The following TMEM232 variants were observed in gnomAD, a reference collection of about 807,000 sequenced individuals.
TMEM232 encodes transmembrane protein 232.
In TMEM232, 80 loss-of-function variants were observed where a neutral mutation model predicts 78.8. That is an observed-to-expected ratio of 1.01 (90% CI 0.85 to 1.22). TMEM232 has a LOEUF of 1.22. Ranked by LOEUF, TMEM232 falls within the 50% of genes most tolerant of loss-of-function variation. TMEM232 has a pLI of 0.00. For missense variants in TMEM232, 881 were observed against 742.2 expected (o/e 1.19, Z -2.17); for synonymous variants, 297 against 254.3 (o/e 1.17, Z -1.60).
rs573812047 is a variant in TMEM232 at position 110,718,380 on chromosome 5, T to C, written c.-13+8247A>G. 2.0e-5 allele frequency among the ~76,000 whole-genome samples: 3 copies of C among 152,264 alleles called. No homozygotes were observed. In the South Asian group the frequency reaches 6.2e-4, roughly 32 times the overall value. On this transcript the variant is annotated intron_variant, in intron 1 of 13. Transcript: ENST00000455884. ...AAAATATTAAATTGCAAAATTATATTGATGAGAAGCATTTCTGGATAGCTG... is the reference window on the plus strand; with the variant it reads ...AAAATATTAAATTGCAAAATTATATCGATGAGAAGCATTTCTGGATAGCTG...
intron 12 of TMEM232, among the ~76,000 whole-genome samples, chr5:110,426,781 G>A (rs533470394): frequency 6.6e-6 from 1 of 152,120 alleles, no homozygotes; most frequent in East Asian, 1.9e-4. Flanking sequence ...TGTAGAGGCT[G>A]ACAATTGGTT....
chr5:110,520,882 C>T (rs1290610052), intron 12 of TMEM232, among the ~76,000 whole-genome samples: 3 of 152,086 alleles, frequency 2.0e-5, no homozygotes, highest in East Asian at 1.9e-4. Context: ...CGCACCATTG[C>T]ACTACAGCCT....
intron 12 of TMEM232, among the ~76,000 whole-genome samples, chr5:110,490,370 C>T (rs1177492283): frequency 6.6e-6 from 1 of 151,878 alleles, no homozygotes; most frequent in Non-Finnish European, 1.5e-5. Context: ...GATTAAAGAC[C>T]AAAATGTATG....
At chr5:110,587,083 A>T (rs996018388) in intron 10 of TMEM232, among the ~76,000 whole-genome samples, 1 of 152,166 alleles carries the variant, frequency 6.6e-6, no homozygotes, top group Admixed American at 6.6e-5. Flanking sequence ...TTCAGTATCC[A>T]AAAAGTGACA....
intron 1 of TMEM232, among the ~76,000 whole-genome samples, chr5:110,686,742 G>C (rs1793464147): frequency 1.3e-5 from 2 of 152,000 alleles, no homozygotes; most frequent in African/African-American, 4.8e-5. Context: ...ATAAAAATAA[G>C]GGCTCAAACA....
intron 12 of TMEM232, among the ~76,000 whole-genome samples, chr5:110,484,091 T>C (rs73220763): frequency 0.03 from 4,608 of 152,180 alleles, 242 homozygotes; most frequent in African/African-American, 0.11. Context: ...TTCTCATACA[T>C]ATAAGTGGGA....
At chr5:110,505,616 C>T (rs1367296005) in intron 12 of TMEM232, among the ~76,000 whole-genome samples, 1 of 152,182 alleles carries the variant, frequency 6.6e-6, no homozygotes, top group Non-Finnish European at 1.5e-5. Context: ...AAGCAATTCT[C>T]ATGCCTCAGC....
At chr5:110,653,749 G>A (rs1004545983) in intron 2 of TMEM232, among the ~76,000 whole-genome samples, 2 of 152,108 alleles carry the variant, frequency 1.3e-5, no homozygotes, top group Admixed American at 1.3e-4. Context: ...ATAATTGGAC[G>A]GGAGGAATCT....
At chr5:110,530,055 T>C (rs1581099989) in intron 11 of TMEM232, among the ~76,000 whole-genome samples, 1 of 152,144 alleles carries the variant, frequency 6.6e-6, no homozygotes, top group East Asian at 1.9e-4. Context: ...AAGACAGAAA[T>C]AGAAAATGTT....
chr5:110,536,364 C>A (rs1057110043), intron 11 of TMEM232, among the ~76,000 whole-genome samples: 1 of 152,250 alleles, frequency 6.6e-6, no homozygotes, highest in Non-Finnish European at 1.5e-5. Flanking sequence ...CAGGGCCACT[C>A]TCTGGTGTTG....
At chr5:110,704,535 A>G (rs1397035494) in intron 1 of TMEM232, among the ~76,000 whole-genome samples, 2 of 152,024 alleles carry the variant, frequency 1.3e-5, no homozygotes, top group African/African-American at 4.8e-5. Flanking sequence ...TGTTATGATG[A>G]CTGAATGTCT....
chr5:110,641,577 T>C (rs1425466180), intron 3 of TMEM232, among the ~76,000 whole-genome samples: 1 of 152,126 alleles, frequency 6.6e-6, no homozygotes, highest in Non-Finnish European at 1.5e-5. Flanking sequence ...CTTTTTCTAA[T>C]CAAATTTTTT....
intron 1 of TMEM232, chr5:110,725,567 T>C (rs746787161): frequency 6.6e-6 from 1 of 152,126 alleles, no homozygotes; most frequent in Non-Finnish European, 1.5e-5. Flanking sequence ...GCAGAATAGG[T>C]CTTAGTGAAA....
chr5:110,555,711 TAA>T (rs1774997246), intron 11 of TMEM232, among the ~76,000 whole-genome samples: 1 of 152,182 alleles, frequency 6.6e-6, no homozygotes, highest in South Asian at 2.1e-4. Flanking sequence ...TTAGGATGGT[TAA>T]GTCTTCTTGT....
chr5:110,658,324 G>A (rs1055815876), intron 2 of TMEM232, among the ~76,000 whole-genome samples: 5 of 151,894 alleles, frequency 3.3e-5, no homozygotes, highest in African/African-American at 9.7e-5. Flanking sequence ...AAATATCTAC[G>A]GTTTTATATG....
At chr5:110,392,499 C>T (rs1242781980) in intron 3 of TMEM232, among the ~76,000 whole-genome samples, 2 of 152,154 alleles carry the variant, frequency 1.3e-5, no homozygotes, top group Non-Finnish European at 2.9e-5. Flanking sequence ...ATTTATTTCT[C>T]ACAGTAATGG....
intron 10 of TMEM232, among the ~76,000 whole-genome samples, chr5:110,590,850 G>C (rs970333601): frequency 6.6e-6 from 1 of 152,130 alleles, no homozygotes; most frequent in Non-Finnish European, 1.5e-5. Context: ...AAGGCAGCAG[G>C]AGAGAGAAGA....
intron 2 of TMEM232, among the ~76,000 whole-genome samples, chr5:110,407,766 CAT>C (rs1472469422): frequency 1.3e-5 from 2 of 152,104 alleles, no homozygotes; most frequent in African/African-American, 2.4e-5. Context: ...GAAGAGACCA[CAT>C]GTTAAGCCAC....
At chr5:110,395,819 A>C (rs1755364005) in intron 3 of TMEM232, among the ~76,000 whole-genome samples, 1 of 152,090 alleles carries the variant, frequency 6.6e-6, no homozygotes, top group African/African-American at 2.4e-5. Flanking sequence ...AACTTCCGCA[A>C]ATGTCTTTAA....
Sources: allele counts gnomAD v4.1 joint callset (sites outside exome capture counted in the v4.1 genomes callset), GRCh38; gene constraint gnomAD v4.1.1; transcripts MANE v1.5; gene names NCBI Gene and HGNC (gene_info 2026-07-23, HGNC 2026-07-21).